Variants in PPFIA2 observed in about 807,000 individuals in gnomAD.
PPFIA2 encodes the protein liprin-alpha-2.
In PPFIA2, 46 loss-of-function variants were observed where a neutral mutation model predicts 175.5. The ratio of observed to expected loss-of-function variants is 0.26; its 90% CI spans 0.21 to 0.34. The LOEUF (loss-of-function observed/expected upper bound fraction) is 0.34. PPFIA2 is among the 10% of genes least tolerant of loss of function. PPFIA2 has a pLI of 1.00. For missense variants in PPFIA2, 1,179 were observed against 1,506.1 expected, an observed-to-expected ratio of 0.78 and a Z score of 3.60; for synonymous variants, 568 against 511.4, an observed-to-expected ratio of 1.11 and a Z score of -1.49.
At chr12:81,301,334 G>A (rs1191280623) in intron 22 of PPFIA2, among the ~76,000 whole-genome samples, 1 of 152,092 alleles carries the variant, frequency 6.6e-6, no homozygotes, top group South Asian at 2.1e-4. Flanking sequence ...TAAAAGGGAA[G>A]AAATAAATTT....
chr12:81,388,301 C>T (rs1446664595), intron 8 of PPFIA2, among the ~76,000 whole-genome samples: 1 of 152,064 alleles, frequency 6.6e-6, no homozygotes. Flanking sequence ...ACTTGATATG[C>T]TTGTACAATG....
At chr12:81,707,417 A>G (rs1319675758) in intron 3 of PPFIA2, among the ~76,000 whole-genome samples, 1 of 152,224 alleles carries the variant, frequency 6.6e-6, no homozygotes, top group Non-Finnish European at 1.5e-5. Context: ...AAACACATGA[A>G]AAAATGCTCA....
chr12:81,321,055 C>G (rs2400933), intron 22 of PPFIA2, among the ~76,000 whole-genome samples: 3 of 148,646 alleles, frequency 2.0e-5, no homozygotes, highest in Non-Finnish European at 3.0e-5. Context: ...ATAAATAAAA[C>G]AGAGAGAGAG....
intron 4 of PPFIA2, among the ~76,000 whole-genome samples, chr12:81,482,768 C>T (rs752279137): frequency 2.0e-4 from 31 of 152,050 alleles, no homozygotes; most frequent in African/African-American, 4.1e-4. Context: ...GATAGCATTA[C>T]GAGAAATACC....
chr12:81,652,028 G>C (rs889465403), intron 4 of PPFIA2, among the ~76,000 whole-genome samples: 1 of 151,432 alleles, frequency 6.6e-6, no homozygotes, highest in African/African-American at 2.4e-5. Flanking sequence ...TCTGAACGTT[G>C]ATTTCTTTAT....
chr12:81,444,100 C>T (rs578141136), intron 6 of PPFIA2, among the ~76,000 whole-genome samples: 2 of 151,798 alleles, frequency 1.3e-5, no homozygotes, highest in Admixed American at 6.6e-5. Context: ...GTGATCCGCC[C>T]GCCTCGGCCT....
At chr12:81,693,204 T>C (rs1329489808) in intron 3 of PPFIA2, among the ~76,000 whole-genome samples, 1 of 152,122 alleles carries the variant, frequency 6.6e-6, no homozygotes, top group Non-Finnish European at 1.5e-5. Context: ...TATAGTCTTA[T>C]ATATCATAAG....
At chr12:81,348,915 T>A (rs1199225828) in intron 17 of PPFIA2, among the ~76,000 whole-genome samples, 1 of 152,134 alleles carries the variant, frequency 6.6e-6, no homozygotes, top group Non-Finnish European at 1.5e-5. Flanking sequence ...TTGTTCTTGA[T>A]TACAAATGGT....
chr12:81,361,990 T>A (rs1388666732), intron 15 of PPFIA2, among the ~76,000 whole-genome samples: 2 of 122,944 alleles, frequency 1.6e-5, no homozygotes, highest in Non-Finnish European at 3.4e-5. Flanking sequence ...TCTATGTATC[T>A]ATCTATGTAT....
At chr12:81,554,986 CAG>C (rs1672918964) in intron 4 of PPFIA2, among the ~76,000 whole-genome samples, 1 of 151,946 alleles carries the variant, frequency 6.6e-6, no homozygotes, top group Non-Finnish European at 1.5e-5. Flanking sequence ...AATAGGATCT[CAG>C]AGTACAGTTT....
intron 14 of PPFIA2, among the ~76,000 whole-genome samples, chr12:81,365,803 G>T (rs2033040267): frequency 6.6e-6 from 1 of 151,650 alleles, no homozygotes; most frequent in East Asian, 1.9e-4. Context: ...ACATTACATT[G>T]TTCTAAAGAC....
intron 4 of PPFIA2, among the ~76,000 whole-genome samples, chr12:81,510,575 T>C (rs1055396791): frequency 6.6e-6 from 1 of 152,124 alleles, no homozygotes; most frequent in Non-Finnish European, 1.5e-5. Context: ...TCTATGATTG[T>C]ACCAATTTTA....
At chr12:81,412,801 T>G (rs138464297) in intron 7 of PPFIA2, among the ~76,000 whole-genome samples, 2 of 152,038 alleles carry the variant, frequency 1.3e-5, no homozygotes, top group East Asian at 3.9e-4. Context: ...TTGATGTACA[T>G]TAAACACTTG....
intron 3 of PPFIA2, among the ~76,000 whole-genome samples, chr12:81,716,975 C>T (rs2078707984): frequency 6.6e-6 from 1 of 151,522 alleles, no homozygotes; most frequent in South Asian, 2.1e-4. Flanking sequence ...GGTATGGCAT[C>T]ATAGGCCTTG....
At chr12:81,531,430 C>T (rs1567209435) in intron 4 of PPFIA2, among the ~76,000 whole-genome samples, 2 of 151,518 alleles carry the variant, frequency 1.3e-5, no homozygotes, top group Non-Finnish European at 3.0e-5. Context: ...AAACAAAACC[C>T]AACATCAAGA....
intron 4 of PPFIA2, among the ~76,000 whole-genome samples, chr12:81,640,399 C>T (rs1024137039): frequency 6.6e-6 from 1 of 152,142 alleles, no homozygotes; most frequent in Admixed American, 6.6e-5. Flanking sequence ...AACAAAATAT[C>T]GTCTTATCCT....
Position 81,281,371 on chromosome 12 carries a change from C to A in PPFIA2, c.3098G>T (p.Gly1033Val). The change falls in exon 27 of 33, where the codon GGG (glycine) becomes GTG (valine). Residue 1033 changes from glycine (G) to valine (V), a missense_variant. Physicochemically the swap from Gly to Val is moderately radical, Grantham distance 109. Around this residue, in one of 10 missense-constraint regions of PPFIA2, gnomAD observed 245 missense variants for 375.1 expected, o/e 0.65. Transcript: ENST00000549396. The part of the protein sequence containing the change: ...WIGNEWLPSL[G>V]LPQYRSYFME... The stretch of plus-strand genomic sequence containing the variant: ...AAAGTAACTTCTGTACTGAGGTAAC[C>A]CCAAGCTGGGAAGCCATTCATTTCC... 6.2e-7 allele frequency: 1 copy of A among 1,611,144 alleles called. No individual in the cohort carries two copies. The highest frequency in any genetic ancestry group is 8.5e-7 in the Non-Finnish European group (1 of 1,177,680).
chr12:81,690,492 C>T lies in PPFIA2; in HGVS notation c.250-13648G>A, dbSNP rs967528197. 3.3e-5 allele frequency among the ~76,000 whole-genome samples: 5 copies of T among 152,060 alleles called. No homozygotes were observed. The East Asian group carries it at 9.7e-4, about 29-fold the overall frequency. ...CTATTCCTGTCTCACTCCTCACCCTCCCACTCCTCCTCCCCCAACACACAG... is the reference window on the plus strand; with the variant it reads ...CTATTCCTGTCTCACTCCTCACCCTTCCACTCCTCCTCCCCCAACACACAG... On this transcript the variant is annotated intron_variant, in intron 3 of 32. Coordinates refer to ENST00000549396, the MANE Select transcript of PPFIA2 (RefSeq NM_003625.5).
At chr12:81,384,817 T>G (rs1431812434) in intron 8 of PPFIA2, among the ~76,000 whole-genome samples, 1 of 152,178 alleles carries the variant, frequency 6.6e-6, no homozygotes, top group Non-Finnish European at 1.5e-5. Flanking sequence ...ATTTCTATAT[T>G]GCTATTAACA....
Sources: gnomAD v4.1 joint callset for allele counts (sites outside exome capture counted in the v4.1 genomes callset) on GRCh38, gnomAD v4.1.1 for gene constraint, gnomAD v4.1.1 regional missense constraint, MANE v1.5 for transcripts, NCBI Gene and HGNC (gene_info 2026-07-23, HGNC 2026-07-21) for gene names.